SGMS2: variants seen among roughly 807,000 people sequenced by gnomAD.
The protein encoded by SGMS2 is phosphatidylcholine:ceramide cholinephosphotransferase 2.
Under a neutral mutation model 43.8 loss-of-function variants are expected in SGMS2, and 21 were observed. That is an observed-to-expected ratio of 0.48 (90% CI 0.34 to 0.69). The LOEUF is 0.69. Among genes scored for constraint, SGMS2 ranks in the 30% least tolerant of loss-of-function variants. SGMS2 has a pLI of 0.01. For synonymous variants in SGMS2, 167 were observed against 160.6 expected (o/e 1.04, Z -0.30); for missense variants, 384 against 443.2 (o/e 0.87, Z 1.20).
intron 2 of SGMS2, among the ~76,000 whole-genome samples, chr4:107,882,814 TATTCA>T (rs1414956727): frequency 2.0e-5 from 3 of 152,180 alleles, no homozygotes; most frequent in African/African-American, 7.2e-5. Flanking sequence ...TTTCAACTGA[TATTCA>T]ATTCAATAAA....
In SGMS2 at chr4:107,910,601, T is replaced by A. The variant is rs1446676494; in HGVS notation, c.*48T>A. 2.6e-6 allele frequency: 4 copies of A among 1,550,660 alleles called. No homozygotes were observed. Among genetic ancestry groups the A allele is most frequent in the Middle Eastern group, 1.7e-4 (1 of 5,900 alleles). ...TCTTACACCAAAAGAGTTAACGCTG[T>A]AACCAAAGGTATAGTTTTGTTTTTT... On this transcript the variant is annotated 3_prime_UTR_variant, in exon 7 of 7. Transcript: ENST00000690982.
At chr4:107,852,868 G>A (rs1031150557) in intron 1 of SGMS2, among the ~76,000 whole-genome samples, 9 of 152,050 alleles carry the variant, frequency 5.9e-5, no homozygotes, top group Non-Finnish European at 1.3e-4. Flanking sequence ...CTGGAAAGCA[G>A]TGTAATAATT....
chr4:107,834,992 G>A (rs1027111566), intron 1 of SGMS2, among the ~76,000 whole-genome samples: 1 of 152,064 alleles, frequency 6.6e-6, no homozygotes, highest in African/African-American at 2.4e-5. Flanking sequence ...CTATGATCAT[G>A]CCACTGTACT....
At chr4:107,862,171 T>C (rs1251140451) in intron 2 of SGMS2, among the ~76,000 whole-genome samples, 1 of 152,104 alleles carries the variant, frequency 6.6e-6, no homozygotes, top group African/African-American at 2.4e-5. Flanking sequence ...CCTAAAATAA[T>C]AGAGGAAAAG....
At chr4:107,832,697 A>C (rs369271782) in intron 1 of SGMS2, among the ~76,000 whole-genome samples, 1 of 152,166 alleles carries the variant, frequency 6.6e-6, no homozygotes, top group Non-Finnish European at 1.5e-5. Flanking sequence ...CATGTGGAGG[A>C]TTACAACTAG....
intron 1 of SGMS2, among the ~76,000 whole-genome samples, chr4:107,829,991 A>G (rs1266072067): frequency 1.3e-5 from 2 of 152,172 alleles, no homozygotes; most frequent in African/African-American, 4.8e-5. Context: ...CAGATAGCAT[A>G]GTACCTGATA....
intron 1 of SGMS2, among the ~76,000 whole-genome samples, chr4:107,834,877 C>T (rs555408466): frequency 6.6e-6 from 1 of 152,094 alleles, no homozygotes; most frequent in African/African-American, 2.4e-5. Flanking sequence ...ATCCCTATCC[C>T]GTGCAAAATT....
intron 1 of SGMS2, among the ~76,000 whole-genome samples, chr4:107,826,507 T>C (rs1373164869): frequency 6.6e-6 from 1 of 152,214 alleles, no homozygotes; most frequent in Non-Finnish European, 1.5e-5. Context: ...ACCTGGAATT[T>C]ACAGGAAGAA....
chr4:107,877,434 G>A (rs1008156804), intron 2 of SGMS2, among the ~76,000 whole-genome samples: 2 of 152,124 alleles, frequency 1.3e-5, no homozygotes, highest in Non-Finnish European at 2.9e-5. Context: ...AAATCTTGGG[G>A]ATATATAAGG....
chr4:107,869,922 A>C (rs1036370161), intron 2 of SGMS2, among the ~76,000 whole-genome samples: 1 of 152,210 alleles, frequency 6.6e-6, no homozygotes, highest in Non-Finnish European at 1.5e-5. Context: ...TAACGAGGTC[A>C]GTAAAGCAGG....
intron 6 of SGMS2, among the ~76,000 whole-genome samples, chr4:107,909,660 T>G (rs1043864720): frequency 6.6e-6 from 1 of 152,216 alleles, no homozygotes; most frequent in African/African-American, 2.4e-5. Context: ...GAAGGCAGAA[T>G]TATTCCTCCC....
At chr4:107,909,170 A>G (rs1370634927) in intron 6 of SGMS2, among the ~76,000 whole-genome samples, 1 of 151,588 alleles carries the variant, frequency 6.6e-6, no homozygotes, top group East Asian at 1.9e-4. Flanking sequence ...CAGTGGTGCA[A>G]TCTTGGCTTA....
At chr4:107,876,614 G>A (rs1365293896) in intron 2 of SGMS2, among the ~76,000 whole-genome samples, 1 of 152,146 alleles carries the variant, frequency 6.6e-6, no homozygotes, top group Non-Finnish European at 1.5e-5. Context: ...GTCTCCATGT[G>A]GTAGAGGGAG....
chr4:107,871,288 G>A (rs1246335832), intron 2 of SGMS2, among the ~76,000 whole-genome samples: 1 of 152,048 alleles, frequency 6.6e-6, no homozygotes, highest in Non-Finnish European at 1.5e-5. Flanking sequence ...AAAAATTCCT[G>A]TTAAGTTATA....
At chr4:107,894,672 T>C (rs1459664174) in intron 2 of SGMS2, among the ~76,000 whole-genome samples, 1 of 152,196 alleles carries the variant, frequency 6.6e-6, no homozygotes, top group Non-Finnish European at 1.5e-5. Flanking sequence ...TTCAGAGTTA[T>C]TTTGAAGGCT....
At position 107,825,204 on chromosome 4, in the gene SGMS2, G is replaced by C. The variant is rs956117711; in HGVS notation, c.-376G>C. On this transcript the variant is annotated 5_prime_UTR_variant, in exon 1 of 7. Transcript: ENST00000690982. ...CCATCCCCTGGCAAATCCCCTTCCC[G>C]GGAGCAAGTGCCTTCAGCTGGGAGT... The C allele has an allele frequency of 3.2e-4, 49 of 152,748 alleles. No individual in the cohort carries two copies. Among genetic ancestry groups the C allele is most frequent in the African/African-American group, 1.2e-3 (48 of 41,570 alleles). The allele number at this position is 152,748 out of a possible 1,614,324, so 9.5% of individuals were successfully genotyped here.
chr4:107,831,374 C>T (rs1387500523), intron 1 of SGMS2, among the ~76,000 whole-genome samples: 1 of 152,196 alleles, frequency 6.6e-6, no homozygotes, highest in African/African-American at 2.4e-5. Flanking sequence ...ACCTGAGTCA[C>T]AGCACTGCCA....
At chr4:107,832,059 C>T (rs1032260457) in intron 1 of SGMS2, among the ~76,000 whole-genome samples, 1 of 152,092 alleles carries the variant, frequency 6.6e-6, no homozygotes. Flanking sequence ...CTTTAGGAGG[C>T]CCTGAGACAG....
chr4:107,853,984 G>A lies in SGMS2; in HGVS notation c.-326-4488G>A, dbSNP rs75442578. On this transcript the variant is annotated intron_variant, in intron 1 of 6. Coordinates refer to ENST00000690982, the MANE Select transcript of SGMS2 (RefSeq NM_001375905.1). ...ATGCTACATTTAGTGTACGTGAACC[G>A]CAAGGGAATTAATCTATTTTCTATT... Among the ~76,000 whole-genome samples the A allele has an allele frequency of 4.8e-3, 733 of 152,302 alleles. 7 individuals are homozygous for A. Among genetic ancestry groups the A allele is most frequent in the African/African-American group, 0.017 (688 of 41,548 alleles).
Sources: gnomAD v4.1 joint callset for allele counts (sites outside exome capture counted in the v4.1 genomes callset) on GRCh38, gnomAD v4.1.1 for gene constraint, MANE v1.5 for transcripts, NCBI Gene and HGNC (gene_info 2026-07-23, HGNC 2026-07-21) for gene names.